Variants in DIDO1 observed in about 807,000 individuals in gnomAD.
The protein encoded by DIDO1 is death-inducer obliterator 1.
DIDO1 carries 16 observed loss-of-function variants against 99.4 expected under a neutral mutation model. The ratio of observed to expected loss-of-function variants is 0.16; its 90% CI spans 0.11 to 0.24. The LOEUF is 0.24. Ranked by LOEUF, DIDO1 falls within the 10% of genes least tolerant of loss-of-function variation. DIDO1 has a pLI of 1.00. For missense variants in DIDO1, 2,996 were observed against 3,014.0 expected, an observed-to-expected ratio of 0.99 and a Z score of 0.14; for synonymous variants, 1,366 against 1,239.1, an observed-to-expected ratio of 1.10 and a Z score of -2.15.
At chr20:62,927,392 G>GT (rs1340262150), upstream of DIDO1, among the ~76,000 whole-genome samples, 1 of 152,232 alleles carries the variant, frequency 6.6e-6, no homozygotes, top group Non-Finnish European at 1.5e-5. Context: ...TCGCTCAATA[G>GT]TAACTAGAGT....
intron 6 of DIDO1, among the ~76,000 whole-genome samples, chr20:62,904,134 C>CTA (rs1174546057): frequency 6.6e-6 from 1 of 152,202 alleles, no homozygotes; most frequent in Admixed American, 6.5e-5. Flanking sequence ...TGAACTGAGG[C>CTA]TATAACCGCA....
chr20:62,926,260 C>T lies in DIDO1; in HGVS notation c.-200+179G>A, dbSNP rs540546934. 3.3e-3 allele frequency among the ~76,000 whole-genome samples: 88 copies of T among 26,486 alleles called. No homozygotes were observed. The African/African-American group carries it at 0.072, about 22-fold the overall frequency. The allele number at this position is 26,486 out of a possible 152,430, so 17.4% of individuals were successfully genotyped here. ...GCTCTGACCGGCCCCGCCCGCTCGC[C>T]CGCCCGCCCGCCCGCTCCTTCCCTT... On this transcript the variant is annotated intron_variant, in intron 1 of 15. Transcript: ENST00000395343.
chr20:62,937,674 T>C, intron 1 of DIDO1: 1 of 391,640 alleles, frequency 2.6e-6, no homozygotes, highest in Non-Finnish European at 4.5e-6. Flanking sequence ...ACACTAGCCC[T>C]GGAAGGCCGC....
At chr20:62,891,896 T>G in intron 14 of DIDO1, 91 bp downstream of exon 14, 1 of 1,042,052 alleles carries the variant, frequency 9.6e-7, no homozygotes, top group Non-Finnish European at 1.4e-6. Context: ...ACATTTTAAG[T>G]GTTAACCCAT....
chr20:62,892,581 G>A (rs2064422092), intron 13 of DIDO1, among the ~76,000 whole-genome samples: 1 of 152,202 alleles, frequency 6.6e-6, no homozygotes, highest in Admixed American at 6.5e-5. Flanking sequence ...CAGACTGCAG[G>A]CTCACATTTC....
intron 12 of DIDO1, among the ~76,000 whole-genome samples, chr20:62,893,312 C>T (rs1290106219): frequency 2.0e-5 from 3 of 152,214 alleles, no homozygotes; most frequent in African/African-American, 7.2e-5. Flanking sequence ...TTCAAGAGTA[C>T]AAAGACTTTA....
chr20:62,893,929 C>A lies in DIDO1; in HGVS notation c.2838G>T (p.Leu946=). The A allele has an allele frequency of 6.2e-7, 1 of 1,612,022 alleles. No individual in the cohort carries two copies. The highest frequency in any genetic ancestry group is 8.5e-7 in the Non-Finnish European group (1 of 1,178,368). The change falls in exon 12 of 16, where the codon CTG becomes CTT. Residue 946 remains leucine, a synonymous_variant. Coordinates refer to ENST00000395343, the MANE Select transcript of DIDO1 (RefSeq NM_001193369.2). The part of the protein sequence containing the change: ...GHPEPSPLED[L]SPCPASCGSG... ...TCCCACAGGAGGCTGGGCAGGGGGA[C>A]AGGTCTTCCAGCGGGGAGGGCTCGG... is the stretch of plus-strand genomic sequence containing the variant.
At chr20:62,907,539 C>A (rs1310999993) in intron 4 of DIDO1, among the ~76,000 whole-genome samples, 180 bp from the exon 5 acceptor site, 1 of 152,224 alleles carries the variant, frequency 6.6e-6, no homozygotes. Flanking sequence ...CCAGGTAAGG[C>A]ATTCACACTG....
chr20:62,892,533 T>C (rs1191917149), intron 13 of DIDO1, among the ~76,000 whole-genome samples: 1 of 152,162 alleles, frequency 6.6e-6, no homozygotes, highest in South Asian at 2.1e-4. Context: ...CGCACAGCCA[T>C]GTGGTCAGTG....
At chr20:62,923,337 A>G (rs1037476121) in intron 1 of DIDO1, among the ~76,000 whole-genome samples, 2 of 151,790 alleles carry the variant, frequency 1.3e-5, no homozygotes, top group African/African-American at 4.8e-5. Flanking sequence ...CACCACACCC[A>G]GCTAATTTTT....
intron 15 of DIDO1, 151 bp from the exon 16 acceptor site, chr20:62,882,565 G>A: frequency 1.3e-6 from 1 of 761,480 alleles, no homozygotes; most frequent in Non-Finnish European, 2.0e-6. Context: ...CAAGACAGTT[G>A]CAAAAGCCTG....
At chr20:62,925,300 T>C (rs2065230995) in intron 1 of DIDO1, among the ~76,000 whole-genome samples, 2 of 152,188 alleles carry the variant, frequency 1.3e-5, no homozygotes, top group Non-Finnish European at 2.9e-5. Context: ...TGAATGCTCA[T>C]TTAAAAAAAG....
rs138225268 is a variant in DIDO1 at position 62,894,160 on chromosome 20, C to G, written c.2607G>C (p.Pro869=). The change falls in exon 12 of 16, where the codon CCG becomes CCC. Residue 869 remains proline (P), a synonymous_variant. Transcript: ENST00000395343. This position sits in a 1 kb window ranked among gnomAD's most constrained non-coding sequence, Gnocchi z 4.4. ...QVPSAEDEPA[P]KKQKLSASVK... is the part of the protein sequence containing the mutation. ...CAGAAGCTGACAATTTTTGTTTTTT[C>G]GGAGCTGGCTCATCTTCTGCGGAGG... 9 of 1,613,762 alleles carry G rather than the reference C, an allele frequency of 5.6e-6. No homozygotes were observed. Among genetic ancestry groups the G allele is most frequent in the Non-Finnish European group, 7.6e-6 (9 of 1,179,878 alleles).
At position 62,880,206 on chromosome 20, in the gene DIDO1, C is replaced by T. The variant is rs1039970461; in HGVS notation, c.5750G>A (p.Gly1917Glu). The T allele has an allele frequency of 2.5e-6, 4 of 1,612,440 alleles. No individual in the cohort carries two copies. Among genetic ancestry groups the T allele is most frequent in the Non-Finnish European group, 3.4e-6 (4 of 1,179,888 alleles). The change falls in exon 16 of 16, where the codon GGA becomes GAA. Residue 1917 changes from glycine (G) to glutamate (E), a missense_variant. Coordinates refer to ENST00000395343, the MANE Select transcript of DIDO1 (RefSeq NM_001193369.2). ...GCCCACGAAATGACCAGGGGGTGGT[C>T]CTCTCTGACCTCCAAACTGAGAGGG... ...PPPSQFGGQR[G>E]PPPGHFVGPR... is the part of the protein sequence containing the mutation.
In DIDO1 at chr20:62,879,451, A is replaced by C. The variant is rs2064157980; in HGVS notation, c.6505T>G (p.Trp2169Gly). 6.5e-7 allele frequency: 1 copy of C among 1,547,850 alleles called. No homozygotes were observed. The highest frequency in any genetic ancestry group is 8.7e-7 in the Non-Finnish European group (1 of 1,155,200). Reference protein sequence around the residue: ...REREADRGKEWDRSRERSRNR... With the variant: ...REREADRGKEGDRSRERSRNR... ...CTGCTCCGCTCCCGGCTGCGGTCCC[A>C]CTCCTTGCCCCGGTCGGCCTCGCGC... Residue 2169 changes from tryptophan (W) to glycine (G), a missense_variant, in exon 16 of 16, where the codon TGG becomes GGG. This residue lies in a region of DIDO1 where 1,562 missense variants were observed against 1,412.6 expected (regional missense o/e 1.11). Transcript: ENST00000395343. The surrounding 1 kb of genome is among the most constrained non-coding windows in gnomAD (Gnocchi z 6.3).
chr20:62,879,102 A>T lies in DIDO1; in HGVS notation c.*131T>A. The T allele has an allele frequency of 1.2e-6, 1 of 803,184 alleles. No individual in the cohort carries two copies. The highest frequency in any genetic ancestry group is 3.3e-5 in the South Asian group (1 of 30,220). 49.8% of individuals were successfully genotyped at this position (803,184 alleles called of 1,614,324 possible). On this transcript the variant is annotated 3_prime_UTR_variant, in exon 16 of 16. Transcript: ENST00000395343. This position sits in a 1 kb window ranked among gnomAD's most constrained non-coding sequence, Gnocchi z 6.3. ...TGAAATCTTGTAAGAAACCATTTAC[A>T]CAAAATTACAGTAATGTTTAAGTCC...
At chr20:62,918,863 G>A (rs905849168) in intron 1 of DIDO1, among the ~76,000 whole-genome samples, 2 of 152,150 alleles carry the variant, frequency 1.3e-5, no homozygotes, top group Non-Finnish European at 2.9e-5. Flanking sequence ...AAGACACTAG[G>A]TAAAAGATCT....
chr20:62,881,282 C>T lies in DIDO1; in HGVS notation c.4674G>A (p.Arg1558=). 6.2e-7 allele frequency: 1 copy of T among 1,605,072 alleles called. No individual in the cohort carries two copies. Among genetic ancestry groups the T allele is most frequent in the Non-Finnish European group, 8.5e-7 (1 of 1,179,594 alleles). Residue 1558 remains arginine (R), a synonymous_variant, in exon 16 of 16, where the codon AGG becomes AGA. Transcript: ENST00000395343. The surrounding 1 kb of genome is among the most constrained non-coding windows in gnomAD (Gnocchi z 8.3). ...LPPASQASNH[R]DPRQARRLAT... is the part of the protein sequence containing the mutation. The stretch of plus-strand genomic sequence containing the variant: ...CCAGGCGCCTCGCCTGCCGGGGGTC[C>T]CTGTGGTTTGACGCCTGGCTGGCGG...
chr20:62,935,077 G>A (rs1278192957), intron 1 of DIDO1, among the ~76,000 whole-genome samples: 1 of 152,032 alleles, frequency 6.6e-6, no homozygotes, highest in Non-Finnish European at 1.5e-5. Context: ...TGAGGCCCAC[G>A]GTGAACTCAC....
Sources: allele counts gnomAD v4.1 joint callset (sites outside exome capture counted in the v4.1 genomes callset), GRCh38; gene constraint gnomAD v4.1.1; regional missense constraint gnomAD v4.1.1; non-coding constraint Gnocchi (gnomAD v3.1); transcripts MANE v1.5; gene names NCBI Gene and HGNC (gene_info 2026-07-23, HGNC 2026-07-21).